The following PRKACB variants were observed in gnomAD, a reference collection of about 807,000 sequenced individuals.
PRKACB encodes the protein cAMP-dependent protein kinase catalytic subunit beta.
A neutral mutation model predicts 51.4 loss-of-function variants in PRKACB; 16 were observed. The observed-to-expected ratio is 0.31, with a 90% CI of 0.21 to 0.47. PRKACB has a LOEUF of 0.47. Ranked by LOEUF, PRKACB falls within the 20% of genes least tolerant of loss-of-function variation. The probability of loss-of-function intolerance (pLI) is 1.00; values close to 1 mark genes in which losing one functional copy is unlikely to be tolerated. For missense variants in PRKACB, 309 were observed against 464.5 expected (o/e 0.67, Z 3.08); for synonymous variants, 147 against 154.4 (o/e 0.95, Z 0.35).
Position 84,235,603 on chromosome 1 carries a change from C to T in PRKACB, c.*298C>T, listed in dbSNP as rs1676596000. On this transcript the variant is annotated 3_prime_UTR_variant, in exon 10 of 10. Coordinates refer to ENST00000370685, the MANE Select transcript of PRKACB (RefSeq NM_182948.4). ...TTCCTTTTCCAATTTCATTGGTTTT[C>T]TCTAAACAGTGCTCCATTTTATTTT... The T allele has an allele frequency of 4.1e-5, 11 of 270,762 alleles. No homozygotes were observed. Among genetic ancestry groups the T allele is most frequent in the Middle Eastern group, 1.1e-3 (1 of 904 alleles). The allele number at this position is 270,762 out of a possible 1,614,324, so 16.8% of individuals were successfully genotyped here. A position where few individuals can be genotyped will look rare whatever the true frequency, so the allele number is the denominator to read the frequency against.
chr1:84,111,940 G>A (rs940171691), intron 1 of PRKACB, among the ~76,000 whole-genome samples: 20 of 151,998 alleles, frequency 1.3e-4, no homozygotes, highest in African/African-American at 4.8e-4. Context: ...TGGGAAAATA[G>A]CATCAAAATA....
intron 1 of PRKACB, among the ~76,000 whole-genome samples, chr1:84,167,182 C>A (rs1047861939): frequency 6.6e-6 from 1 of 151,588 alleles, no homozygotes; most frequent in African/African-American, 2.4e-5. Context: ...GGTCTCCCAG[C>A]TTCCAGTTTT....
At chr1:84,119,371 G>T (rs1223051663) in intron 1 of PRKACB, among the ~76,000 whole-genome samples, 1 of 152,112 alleles carries the variant, frequency 6.6e-6, no homozygotes, top group Non-Finnish European at 1.5e-5. Flanking sequence ...TAAAGAAGGA[G>T]AATGGAAGGG....
At chr1:84,217,997 T>A (rs1234814525) in intron 9 of PRKACB, among the ~76,000 whole-genome samples, 1 of 152,166 alleles carries the variant, frequency 6.6e-6, no homozygotes, top group Non-Finnish European at 1.5e-5. Flanking sequence ...TCTGTCTATT[T>A]CTGAACTTTT....
At chr1:84,121,999 T>TA (rs1651122585) in intron 1 of PRKACB, among the ~76,000 whole-genome samples, 1 of 152,030 alleles carries the variant, frequency 6.6e-6, no homozygotes, top group African/African-American at 2.4e-5. Flanking sequence ...ATTTGGTGAG[T>TA]CCCCCCAAAA....
chr1:84,181,838 G>T, intron 2 of PRKACB: 1 of 711,494 alleles, frequency 1.4e-6, no homozygotes, highest in Non-Finnish European at 2.1e-6. Flanking sequence ...TATGCCTCTG[G>T]TCAGTTTGTA....
intron 9 of PRKACB, among the ~76,000 whole-genome samples, chr1:84,222,289 A>G (rs996262137): frequency 6.6e-6 from 1 of 151,884 alleles, no homozygotes; most frequent in African/African-American, 2.4e-5. Flanking sequence ...CTGTCTCTTC[A>G]CTTTCAGTCT....
intron 1 of PRKACB, chr1:84,078,406 C>G (rs1402437801): frequency 1.2e-6 from 2 of 1,600,452 alleles, no homozygotes; most frequent in Non-Finnish European, 1.7e-6. Flanking sequence ...ATCCGCTGGG[C>G]GGGCCGGCGC....
intron 1 of PRKACB, among the ~76,000 whole-genome samples, chr1:84,087,166 T>A (rs905101513): frequency 6.6e-6 from 1 of 152,214 alleles, no homozygotes; most frequent in Non-Finnish European, 1.5e-5. Context: ...CCAGAGAAAG[T>A]TTAGATCAGG....
intron 1 of PRKACB, among the ~76,000 whole-genome samples, chr1:84,146,958 A>G (rs967452783): frequency 1.3e-5 from 2 of 152,060 alleles, no homozygotes; most frequent in Non-Finnish European, 2.9e-5. Context: ...AAAGAAAAGC[A>G]TGGAGGAATT....
chr1:84,232,059 G>A (rs1675778006), intron 9 of PRKACB, among the ~76,000 whole-genome samples: 1 of 151,664 alleles, frequency 6.6e-6, no homozygotes, highest in African/African-American at 2.4e-5. Context: ...TGGGCATTTA[G>A]TGCCATAAAT....
chr1:84,149,068 T>G (rs545923288), intron 1 of PRKACB, among the ~76,000 whole-genome samples: 4 of 152,116 alleles, frequency 2.6e-5, no homozygotes, highest in Non-Finnish European at 5.9e-5. Context: ...CACATTAAGG[T>G]GTGAGAAGCA....
intron 1 of PRKACB, chr1:84,175,694 G>A: frequency 9.8e-7 from 1 of 1,022,952 alleles, no homozygotes; most frequent in South Asian, 1.8e-5. Flanking sequence ...AGTAAGTTGT[G>A]TTTTTATGAA....
intron 1 of PRKACB, among the ~76,000 whole-genome samples, chr1:84,171,383 A>G (rs566411872): frequency 6.6e-6 from 1 of 151,716 alleles, no homozygotes; most frequent in East Asian, 1.9e-4. Context: ...AAAGTACTAA[A>G]TAGAACTATA....
At chr1:84,213,992 T>A (rs552858520) in intron 8 of PRKACB, among the ~76,000 whole-genome samples, 161 bp from the exon 9 acceptor site, 2 of 152,346 alleles carry the variant, frequency 1.3e-5, no homozygotes, top group South Asian at 4.1e-4. Flanking sequence ...TTATGGCTAC[T>A]GTGGGGACTG....
chr1:84,079,959 C>T (rs1035727906), intron 1 of PRKACB, among the ~76,000 whole-genome samples: 1 of 152,158 alleles, frequency 6.6e-6, no homozygotes, highest in Non-Finnish European at 1.5e-5. Flanking sequence ...AGCTACCGTG[C>T]GTGACCTATG....
At chr1:84,194,110 T>C (rs1227453972) in intron 5 of PRKACB, among the ~76,000 whole-genome samples, 1 of 152,142 alleles carries the variant, frequency 6.6e-6, no homozygotes, top group African/African-American at 2.4e-5. Flanking sequence ...CCTATCGTCC[T>C]CTCTCTCCTA....
At chr1:84,160,703 G>A (rs1656074018) in intron 1 of PRKACB, among the ~76,000 whole-genome samples, 1 of 150,818 alleles carries the variant, frequency 6.6e-6, no homozygotes, top group South Asian at 2.1e-4. Flanking sequence ...ATATGCTGTA[G>A]TTTATTTTCA....
At chr1:84,175,874 T>C in intron 1 of PRKACB, 2 of 1,195,646 alleles carry the variant, frequency 1.7e-6, no homozygotes, top group Non-Finnish European at 2.2e-6. Flanking sequence ...AAAAAATATA[T>C]AATTGAAAAT....
Sources: gnomAD v4.1 joint callset for allele counts (sites outside exome capture counted in the v4.1 genomes callset) on GRCh38, gnomAD v4.1.1 for gene constraint, MANE v1.5 for transcripts, NCBI Gene and HGNC (gene_info 2026-07-23, HGNC 2026-07-21) for gene names.